The following BRWD1 variants were observed in gnomAD, a reference collection of about 807,000 sequenced individuals.
BRWD1 encodes the protein bromodomain and WD repeat domain containing 1.
Under a neutral mutation model 251.2 loss-of-function variants are expected in BRWD1, and 82 were observed. The ratio of observed to expected loss-of-function variants is 0.33; its 90% CI spans 0.27 to 0.39. The LOEUF (loss-of-function observed/expected upper bound fraction) is 0.39, where lower values mean the gene tolerates loss of function less well. Ranked by LOEUF, BRWD1 falls within the 10% of genes least tolerant of loss-of-function variation. BRWD1 has a pLI of 1.00. For missense variants in BRWD1, 2,233 were observed against 2,711.6 expected, an observed-to-expected ratio of 0.82 and a Z score of 3.92; for synonymous variants, 918 against 902.8, an observed-to-expected ratio of 1.02 and a Z score of -0.30.
chr21:39,203,211 G>C (rs1341038521), intron 37 of BRWD1, among the ~76,000 whole-genome samples: 1 of 152,098 alleles, frequency 6.6e-6, no homozygotes, highest in African/African-American at 2.4e-5. Flanking sequence ...AGCACTTTAG[G>C]AGGCCAAGGC....
At chr21:39,250,098 T>C (rs938938961) in intron 20 of BRWD1, among the ~76,000 whole-genome samples, 4 of 152,106 alleles carry the variant, frequency 2.6e-5, no homozygotes, top group Non-Finnish European at 5.9e-5. Flanking sequence ...TGGCCTCCTA[T>C]ATGTAGGGGA....
At chr21:39,253,360 A>G (rs1467505543) in intron 19 of BRWD1, among the ~76,000 whole-genome samples, 2 of 151,526 alleles carry the variant, frequency 1.3e-5, no homozygotes, top group African/African-American at 4.8e-5. Flanking sequence ...CAGGAGTCTA[A>G]GTTCCTGATT....
At chr21:39,259,304 T>C (rs2034664258) in intron 17 of BRWD1, among the ~76,000 whole-genome samples, 1 of 152,136 alleles carries the variant, frequency 6.6e-6, no homozygotes, top group Non-Finnish European at 1.5e-5. Context: ...TACAGAGTTT[T>C]TCTGAGACGG....
chr21:39,301,855 T>C (rs1002018417), intron 4 of BRWD1, among the ~76,000 whole-genome samples: 3 of 138,108 alleles, frequency 2.2e-5, no homozygotes, highest in African/African-American at 8.4e-5. Context: ...TTTCCAACAT[T>C]AGGAAGGCAT....
chr21:39,214,444 TATAAA>T (rs1358573747), intron 32 of BRWD1, among the ~76,000 whole-genome samples: 1 of 152,006 alleles, frequency 6.6e-6, no homozygotes, highest in African/African-American at 2.4e-5. Flanking sequence ...AACTATACTC[TATAAA>T]ATAAGTAACA....
chr21:39,290,427 A>G (rs2035774757), intron 8 of BRWD1, among the ~76,000 whole-genome samples: 1 of 150,126 alleles, frequency 6.7e-6, no homozygotes, highest in Non-Finnish European at 1.5e-5. Flanking sequence ...TGAGGCAGAG[A>G]TTGCAGTGAG....
chr21:39,272,424 G>C lies in BRWD1; in HGVS notation c.1244+1950C>G, dbSNP rs548912277. 2.6e-3 allele frequency among the ~76,000 whole-genome samples: 398 copies of C among 151,626 alleles called. 3 individuals are homozygous for C. The highest frequency in any genetic ancestry group is 9.4e-3 in the African/African-American group (390 of 41,432). ...CGCCTGTAGTCTCAGCTACTCGTGA[G>C]GCTGAGGCAGGAGAACGGCATGAAC... On this transcript the variant is annotated intron_variant, in intron 13 of 40. Coordinates refer to ENST00000342449, the MANE Select transcript of BRWD1 (RefSeq NM_033656.4).
Position 39,195,975 on chromosome 21 carries a change from C to T in BRWD1, c.*284G>A, listed in dbSNP as rs562367888. 10 of 1,082,300 alleles carry T rather than the reference C, an allele frequency of 9.2e-6. No homozygotes were observed. In the East Asian group the frequency reaches 3.3e-4, roughly 36 times the overall value. 67.0% of individuals were successfully genotyped at this position (1,082,300 alleles called of 1,614,324 possible). A position where few individuals can be genotyped will look rare whatever the true frequency, so the allele number is the denominator to read the frequency against. On this transcript the variant is annotated 3_prime_UTR_variant, in exon 41 of 41. Coordinates refer to ENST00000342449, the MANE Select transcript of BRWD1 (RefSeq NM_033656.4). Reference sequence around the variant, plus strand: ...TCATTGGTTTTGATAACCAGGATGTCTAGTGTTTAACATATTTCAAACTCT... The same window carrying T: ...TCATTGGTTTTGATAACCAGGATGTTTAGTGTTTAACATATTTCAAACTCT...
intron 10 of BRWD1, chr21:39,278,518 A>G: frequency 4.2e-6 from 2 of 475,338 alleles, no homozygotes; most frequent in Non-Finnish European, 7.5e-6. Context: ...CCTCCCTTTT[A>G]CCAGCCATCT....
intron 25 of BRWD1, among the ~76,000 whole-genome samples, chr21:39,231,069 T>C (rs2033596228): frequency 6.6e-6 from 1 of 152,156 alleles, no homozygotes; most frequent in Non-Finnish European, 1.5e-5. Context: ...AAAGCCTAAC[T>C]TATACAAGCA....
At chr21:39,199,710 A>G (rs1023277635) in intron 39 of BRWD1, 48 bp from the exon 40 acceptor site, 23 of 1,455,362 alleles carry the variant, frequency 1.6e-5, no homozygotes, top group Middle Eastern at 1.8e-4. Flanking sequence ...CCTTATTTCA[A>G]CATTTTTAAA....
intron 21 of BRWD1, 92 bp from the exon 22 acceptor site, chr21:39,238,665 T>A: frequency 1.3e-6 from 1 of 785,320 alleles, no homozygotes; most frequent in Non-Finnish European, 2.1e-6. Flanking sequence ...CCCAGTAAGA[T>A]TAAATCATCT....
intron 4 of BRWD1, 112 bp downstream of exon 4, chr21:39,312,729 C>A: frequency 1.4e-6 from 1 of 691,948 alleles, no homozygotes. Context: ...GGGCCGCCCC[C>A]CAGTGCGGGT....
intron 35 of BRWD1, 72 bp from the exon 36 acceptor site, chr21:39,210,219 C>A: frequency 7.9e-7 from 1 of 1,271,418 alleles, no homozygotes; most frequent in Non-Finnish European, 1.1e-6. Context: ...CATCAGATCT[C>A]TAAAAAATGT....
At chr21:39,278,383 T>C (rs1475704604) in intron 10 of BRWD1, 4 of 192,928 alleles carry the variant, frequency 2.1e-5, no homozygotes, top group South Asian at 1.9e-4. Flanking sequence ...CATCAAGATA[T>C]TATGTGTGGG....
rs1301525298 is a variant in BRWD1 at position 39,296,625 on chromosome 21, T to C, written c.350-262A>G. 1.3e-5 allele frequency: 13 copies of C among 996,956 alleles called. No individual in the cohort carries two copies. The East Asian group carries it at 3.3e-4, about 25-fold the overall frequency. The allele number at this position is 996,956 out of a possible 1,614,324, so 61.8% of individuals were successfully genotyped here. A position where few individuals can be genotyped will look rare whatever the true frequency, so the allele number is the denominator to read the frequency against. On this transcript the variant is annotated intron_variant, in intron 5 of 40. Transcript: ENST00000342449. Reference sequence around the variant, plus strand: ...AGTGCTTTCAACATACATTAGCTCATTGAATCCTCACAACAACCCTGTGAG... The same window carrying C: ...AGTGCTTTCAACATACATTAGCTCACTGAATCCTCACAACAACCCTGTGAG...
chr21:39,238,481 T>C lies in BRWD1; in HGVS notation c.2574A>G (p.Ser858=). The change falls in exon 22 of 41, where the codon TCA becomes TCG. Residue 858 remains serine, a splice_region_variant and synonymous_variant. Transcript: ENST00000342449. ...DRKSESYSES[S]SDSSSRYSDW... is the part of the protein sequence containing the mutation. ...ACCACAACAATAAAAACAGATACCT[T>C]GAACTTTCGCTGTAACTCTCACTTT... The C allele has an allele frequency of 1.2e-6, 2 of 1,610,290 alleles. No homozygotes were observed. The highest frequency in any genetic ancestry group is 1.7e-6 in the Non-Finnish European group (2 of 1,176,774).
rs568837958 is a variant in BRWD1, at chr21:39,224,130, G to A, written c.3382+278C>T. Among the ~76,000 whole-genome samples the A allele has an allele frequency of 9.2e-5, 14 of 152,302 alleles. No homozygotes were observed. The East Asian group carries it at 2.1e-3, about 23-fold the overall frequency. ...CTCCCAAAGTGCTGAGATTACAGGC[G>A]TGAGCCATGGCGCCCAGCCAGGAGT... On this transcript the variant is annotated intron_variant, in intron 29 of 40. Transcript: ENST00000342449.
chr21:39,263,508 C>A (rs1230819144), intron 17 of BRWD1, among the ~76,000 whole-genome samples: 5 of 152,120 alleles, frequency 3.3e-5, no homozygotes, highest in African/African-American at 1.2e-4. Flanking sequence ...GTGAGTAATA[C>A]AACCCATTAG....
Sources: gnomAD v4.1 joint callset for allele counts (sites outside exome capture counted in the v4.1 genomes callset) on GRCh38, gnomAD v4.1.1 for gene constraint, MANE v1.5 for transcripts, NCBI Gene and HGNC (gene_info 2026-07-23, HGNC 2026-07-21) for gene names.